The following PLCH2 variants were observed in gnomAD, a reference collection of about 807,000 sequenced individuals.
PLCH2 encodes phospholipase C eta 2, also known as 1-phosphatidylinositol 4,5-bisphosphate phosphodiesterase eta-2.
PLCH2 carries 98 observed loss-of-function variants against 134.7 expected under a neutral mutation model. The ratio of observed to expected loss-of-function variants is 0.73; its 90% CI spans 0.62 to 0.86. The LOEUF is 0.86. Ranked by LOEUF, PLCH2 falls within the 40% of genes least tolerant of loss-of-function variation. The pLI is 0.00. For missense variants in PLCH2, 1,994 were observed against 1,986.6 expected (o/e 1.00, Z -0.07); for synonymous variants, 974 against 827.5 (o/e 1.18, Z -3.04).
chr1:2,503,681 GCCCAAGGAGGGC>G, intron 21 of PLCH2: 1 of 663,874 alleles, frequency 1.5e-6, no homozygotes, highest in South Asian at 1.6e-5. Context: ...TGCTGTCCCA[GCCCAAGGAGGGC>G]CCCGTGTGCG....
At position 2,448,657 on chromosome 1, in the gene PLCH2, C is replaced by T. The variant is rs527959850; in HGVS notation, c.115+18028C>T. Among the ~76,000 whole-genome samples, 2 of 152,128 alleles carry T rather than the reference C, an allele frequency of 1.3e-5. No homozygotes were observed. The highest frequency in any genetic ancestry group is 6.5e-5 in the Admixed American group (1 of 15,280). ...TGTGCTCCACCCCAGCACCCCCGCCCGAGGCAGGCCCTGGAGCTCACGCTG... is the reference window on the plus strand; with the variant it reads ...TGTGCTCCACCCCAGCACCCCCGCCTGAGGCAGGCCCTGGAGCTCACGCTG... On this transcript the variant is annotated intron_variant, in intron 2 of 3. Coordinates refer to the PLCH2 transcript ENST00000609981. The surrounding 1 kb of genome is among the most constrained non-coding windows in gnomAD (Gnocchi z 4.0).
intron 2 of PLCH2, among the ~76,000 whole-genome samples, chr1:2,442,992 G>A (rs71511345): frequency 0.12 from 17,553 of 152,252 alleles, 1,096 homozygotes; most frequent in African/African-American, 0.14. Context: ...AGGGTCCCCA[G>A]GGTCTAGGGC....
chr1:2,495,821 G>A (rs957545423), intron 13 of PLCH2, among the ~76,000 whole-genome samples: 1 of 152,046 alleles, frequency 6.6e-6, no homozygotes. Context: ...GGATGCTGCC[G>A]GGCTGTCGGC....
At chr1:2,466,421 G>A (rs1476578438), upstream of PLCH2, among the ~76,000 whole-genome samples, 1 of 152,216 alleles carries the variant, frequency 6.6e-6, no homozygotes, top group African/African-American at 2.4e-5. Context: ...AGGCAGCTGC[G>A]CCCAGGGGCC....
intron 2 of PLCH2, among the ~76,000 whole-genome samples, chr1:2,447,263 G>C (rs1009605297): frequency 6.6e-6 from 1 of 152,302 alleles, no homozygotes; most frequent in East Asian, 1.9e-4. Flanking sequence ...CCAAGTCTGT[G>C]GGGGGAGGCC....
In PLCH2 at chr1:2,444,300, C is replaced by T. The variant is rs955076991; in HGVS notation, c.115+13671C>T. Among the ~76,000 whole-genome samples the T allele has an allele frequency of 1.3e-5, 2 of 152,214 alleles. No homozygotes were observed. The highest frequency in any genetic ancestry group is 2.4e-5 in the African/African-American group (1 of 41,464). On this transcript the variant is annotated intron_variant, in intron 2 of 3. Coordinates refer to the PLCH2 transcript ENST00000609981. The surrounding 1 kb of genome is among the most constrained non-coding windows in gnomAD (Gnocchi z 4.6). ...AGAATGACCCCTGCTGAGCCCAGGCCGGGCACCCCGATCCCTGCCGGATGG... is the reference window on the plus strand; with the variant it reads ...AGAATGACCCCTGCTGAGCCCAGGCTGGGCACCCCGATCCCTGCCGGATGG...
chr1:2,468,073 T>A (rs1447768910), intron 1 of PLCH2, among the ~76,000 whole-genome samples: 2 of 151,988 alleles, frequency 1.3e-5, no homozygotes, highest in African/African-American at 2.4e-5. Context: ...ACTGCTCGGG[T>A]GGGGGGCAGG....
intron 21 of PLCH2, chr1:2,502,963 G>A (rs1027545328): frequency 1.5e-5 from 11 of 716,900 alleles, no homozygotes; most frequent in Non-Finnish European, 2.9e-5. Context: ...GCATGGCTGG[G>A]CCTGGGTCAC....
intron 7 of PLCH2, 53 bp downstream of exon 7, chr1:2,487,429 T>C (rs527791731): frequency 1.3e-6 from 2 of 1,547,214 alleles, no homozygotes; most frequent in South Asian, 2.3e-5. Flanking sequence ...CTGTGGGAGA[T>C]GGGCTGCACC....
intron 2 of PLCH2, among the ~76,000 whole-genome samples, chr1:2,445,602 G>A (rs374997178): frequency 8.5e-5 from 13 of 152,134 alleles, no homozygotes; most frequent in East Asian, 5.8e-4. Context: ...GGTTGGCAGC[G>A]GCCCCTCCTG....
intron 2 of PLCH2, among the ~76,000 whole-genome samples, chr1:2,434,529 G>A (rs981221189): frequency 6.6e-5 from 10 of 152,246 alleles, no homozygotes; most frequent in East Asian, 5.8e-4. Context: ...CGCCAGGTGC[G>A]GGCGGCACAA....
intron 1 of PLCH2, among the ~76,000 whole-genome samples, chr1:2,429,847 T>C (rs1356223797): frequency 1.3e-5 from 2 of 152,122 alleles, no homozygotes; most frequent in Non-Finnish European, 2.9e-5. Flanking sequence ...AAGTACCTCC[T>C]GTACCCAGCA....
rs751078288 is a variant in PLCH2, at chr1:2,487,736, G to T, written c.1235+18G>T. ...AAGAATGAGTGAGTGGCTGGGCCTA[G>T]CGGGGCTGGCCCCAGAGGTGGGCAG... is the stretch of plus-strand genomic sequence containing the variant. On this transcript the variant is annotated intron_variant, in intron 8 of 21. Coordinates refer to ENST00000378486, the MANE Select transcript of PLCH2 (RefSeq NM_014638.4). 1 of 1,610,046 alleles carries T rather than the reference G, an allele frequency of 6.2e-7. No individual in the cohort carries two copies. The highest frequency in any genetic ancestry group is 2.2e-5 in the East Asian group (1 of 44,872).
intron 10 of PLCH2, among the ~76,000 whole-genome samples, chr1:2,490,182 C>T (rs912973274): frequency 6.6e-6 from 1 of 152,178 alleles, no homozygotes; most frequent in South Asian, 2.1e-4. Flanking sequence ...GGGTCCCACG[C>T]CAGACTCCAC....
chr1:2,429,690 G>A (rs910720502), intron 1 of PLCH2, among the ~76,000 whole-genome samples: 9 of 152,310 alleles, frequency 5.9e-5, no homozygotes, highest in Middle Eastern at 3.4e-3. Flanking sequence ...CATGGGCTGC[G>A]TGCGTGGTGA....
At chr1:2,442,436 C>G (rs1443358005) in intron 2 of PLCH2, among the ~76,000 whole-genome samples, 1 of 152,218 alleles carries the variant, frequency 6.6e-6, no homozygotes, top group African/African-American at 2.4e-5. Context: ...CACCCCTACC[C>G]CACCCCTGGC....
Position 2,504,138 on chromosome 1 carries a change from G to T in PLCH2, c.3176G>T (p.Cys1059Phe). Residue 1059 changes from cysteine to phenylalanine, a missense_variant, in exon 22 of 22, where the codon TGC becomes TTC. Coordinates refer to ENST00000378486, the MANE Select transcript of PLCH2 (RefSeq NM_014638.4). ...CCCCGAGACAGCAGGCCTCGGCCGT[G>T]CAACGGCGAGGGCGCCGGCGGGGCA... is the stretch of plus-strand genomic sequence containing the variant. ...EEPRDSRPRPCNGEGAGGAYE... is the reference protein window; with the variant it reads ...EEPRDSRPRPFNGEGAGGAYE... The T allele has an allele frequency of 6.6e-7, 1 of 1,520,964 alleles. No homozygotes were observed. The highest frequency in any genetic ancestry group is 8.8e-7 in the Non-Finnish European group (1 of 1,135,670). 94.2% of individuals were successfully genotyped at this position (1,520,964 alleles called of 1,614,324 possible).
intron 2 of PLCH2, among the ~76,000 whole-genome samples, chr1:2,462,115 CA>C (rs1640836260): frequency 7.9e-6 from 1 of 127,240 alleles, no homozygotes; most frequent in African/African-American, 3.2e-5. Flanking sequence ...CTCCGCCTGA[CA>C]CCCCTCCGCC....
chr1:2,462,921 G>C (rs554454192), upstream of PLCH2, among the ~76,000 whole-genome samples: 1 of 152,198 alleles, frequency 6.6e-6, no homozygotes, highest in African/African-American at 2.4e-5. Flanking sequence ...TTTCCTAACC[G>C]AAGCCGTAAC....
Sources: gnomAD v4.1 joint callset for allele counts (sites outside exome capture counted in the v4.1 genomes callset) on GRCh38, gnomAD v4.1.1 for gene constraint, Gnocchi (gnomAD v3.1) non-coding constraint, MANE v1.5 for transcripts, NCBI Gene and HGNC (gene_info 2026-07-23, HGNC 2026-07-21) for gene names.